Variants in MSI2 observed in about 807,000 individuals in gnomAD.
MSI2 encodes the protein RNA-binding protein Musashi homolog 2.
Under a neutral mutation model 45.6 loss-of-function variants are expected in MSI2, and 17 were observed. That is an observed-to-expected ratio of 0.37 (90% confidence interval 0.26 to 0.56). The LOEUF (loss-of-function observed/expected upper bound fraction) is 0.56, where lower values mean the gene tolerates loss of function less well. Ranked by LOEUF, MSI2 falls within the 20% of genes least tolerant of loss-of-function variation. MSI2 has a pLI of 0.77. For missense variants in MSI2, 293 were observed against 444.2 expected (o/e 0.66, Z 3.06); for synonymous variants, 156 against 158.2 (o/e 0.99, Z 0.11).
chr17:57,508,506 T>A (rs758856562), intron 6 of MSI2, among the ~76,000 whole-genome samples: 2 of 152,188 alleles, frequency 1.3e-5, no homozygotes, highest in African/African-American at 2.4e-5. Flanking sequence ...TTTAGGGTGC[T>A]CCAAATAGCT....
intron 5 of MSI2, chr17:57,264,375 T>G (rs528721196): frequency 6.6e-6 from 1 of 152,162 alleles, no homozygotes; most frequent in East Asian, 1.9e-4. Context: ...CCTGCTATCT[T>G]ATTTATTTAT....
At chr17:57,294,366 C>T (rs546803421) in intron 5 of MSI2, among the ~76,000 whole-genome samples, 3 of 152,064 alleles carry the variant, frequency 2.0e-5, no homozygotes, top group Admixed American at 6.5e-5. Flanking sequence ...CTCAGGGGGC[C>T]GTGGCAGATG....
intron 7 of MSI2, among the ~76,000 whole-genome samples, chr17:57,542,775 A>G (rs1567889027): frequency 6.6e-6 from 1 of 152,196 alleles, no homozygotes; most frequent in Non-Finnish European, 1.5e-5. Flanking sequence ...GTGTCTGGGC[A>G]GTCTGGCACG....
chr17:57,476,672 C>G (rs983685569), intron 6 of MSI2, among the ~76,000 whole-genome samples: 6 of 152,180 alleles, frequency 3.9e-5, no homozygotes, highest in Admixed American at 3.3e-4. Context: ...CCCTTAGGAC[C>G]TCAGCGTGGC....
At chr17:57,653,493 G>A (rs755865770) in intron 11 of MSI2, among the ~76,000 whole-genome samples, 2 of 152,130 alleles carry the variant, frequency 1.3e-5, no homozygotes, top group African/African-American at 2.4e-5. Context: ...CCCCAGCCCC[G>A]GGCCCCGGGG....
chr17:57,436,721 A>T (rs1178899094), intron 6 of MSI2, among the ~76,000 whole-genome samples: 3 of 152,198 alleles, frequency 2.0e-5, no homozygotes, highest in Non-Finnish European at 2.9e-5. Flanking sequence ...CATTCCAATG[A>T]AACCACTCCC....
At position 57,627,599 on chromosome 17, in the gene MSI2, C is replaced by G. The variant is rs1054668005; in HGVS notation, c.727+296C>G. On this transcript the variant is annotated intron_variant, in intron 10 of 13. Transcript: ENST00000284073. The surrounding 1 kb of genome is among the most constrained non-coding windows in gnomAD (Gnocchi z 4.6). ...CACCTCCTTTTTCTGAAGCCTCTTC[C>G]GGGTTTTTTCTCACTGGGGACTGAA... The G allele has an allele frequency of 2.2e-6, 1 of 451,038 alleles. No individual in the cohort carries two copies. The highest frequency in any genetic ancestry group is 4.0e-6 in the Non-Finnish European group (1 of 251,390). 27.9% of individuals were successfully genotyped at this position (451,038 alleles called of 1,614,324 possible). A position where few individuals can be genotyped will look rare whatever the true frequency, so the allele number is the denominator to read the frequency against.
At chr17:57,496,763 G>A (rs1293773987) in intron 6 of MSI2, among the ~76,000 whole-genome samples, 1 of 152,266 alleles carries the variant, frequency 6.6e-6, no homozygotes, top group Non-Finnish European at 1.5e-5. Context: ...CACCTGAACA[G>A]GGCAGGGCAC....
intron 10 of MSI2, among the ~76,000 whole-genome samples, chr17:57,637,697 G>A (rs1567952701): frequency 6.6e-6 from 1 of 152,202 alleles, no homozygotes; most frequent in Non-Finnish European, 1.5e-5. Flanking sequence ...CTTCCTCACA[G>A]GTTGTTGAGA....
intron 8 of MSI2, among the ~76,000 whole-genome samples, chr17:57,610,706 A>G (rs1222436995): frequency 2.1e-5 from 2 of 93,330 alleles, no homozygotes; most frequent in African/African-American, 6.7e-5. Context: ...CACAGGGGCC[A>G]CACTCCCATC....
intron 5 of MSI2, among the ~76,000 whole-genome samples, chr17:57,385,206 C>T (rs937070035): frequency 2.0e-5 from 3 of 152,144 alleles, no homozygotes; most frequent in African/African-American, 7.2e-5. Flanking sequence ...CATGTTATTC[C>T]CCAGCTTAAA....
At chr17:57,470,246 C>T (rs2143679880) in intron 6 of MSI2, among the ~76,000 whole-genome samples, 1 of 152,004 alleles carries the variant, frequency 6.6e-6, no homozygotes, top group African/African-American at 2.4e-5. Flanking sequence ...CCTTGCACAG[C>T]TTTGACATAC....
intron 6 of MSI2, among the ~76,000 whole-genome samples, chr17:57,506,775 T>G (rs2086238378): frequency 6.6e-6 from 1 of 152,222 alleles, no homozygotes; most frequent in African/African-American, 2.4e-5. Context: ...AACCTTCCTG[T>G]GTCTTCCTCC....
At chr17:57,293,410 C>T (rs1567740002) in intron 5 of MSI2, among the ~76,000 whole-genome samples, 1 of 152,158 alleles carries the variant, frequency 6.6e-6, no homozygotes, top group Non-Finnish European at 1.5e-5. Context: ...CTGAGCACTG[C>T]GATCCTGATG....
chr17:57,679,133 T>TTTTG (rs530511797), intron 13 of MSI2, among the ~76,000 whole-genome samples: 1 of 152,236 alleles, frequency 6.6e-6, no homozygotes, highest in Non-Finnish European at 1.5e-5. Flanking sequence ...GTGGGGTTTT[T>TTTTG]TTTGTTTGTT....
At chr17:57,262,444 C>T (rs190626350) in intron 5 of MSI2, 10 of 415,178 alleles carry the variant, frequency 2.4e-5, no homozygotes, top group Admixed American at 1.7e-4. Context: ...GTGTTTCCAT[C>T]GACTGCAGTA....
At chr17:57,413,956 C>T (rs2084245187) in intron 6 of MSI2, among the ~76,000 whole-genome samples, 2 of 151,920 alleles carry the variant, frequency 1.3e-5, no homozygotes, top group Admixed American at 1.3e-4. Flanking sequence ...ACCTTGAATG[C>T]CAGGTACCGA....
chr17:57,572,744 A>G (rs1418603870), intron 7 of MSI2, among the ~76,000 whole-genome samples: 1 of 152,198 alleles, frequency 6.6e-6, no homozygotes. Flanking sequence ...CTCAGGGCAG[A>G]GAGCTGAGCT....
At chr17:57,485,002 T>A (rs558534922) in intron 6 of MSI2, among the ~76,000 whole-genome samples, 19 of 152,194 alleles carry the variant, frequency 1.2e-4, no homozygotes, top group Non-Finnish European at 2.5e-4. Context: ...GGAGGCTGAG[T>A]CTTTGTCTGA....
Sources: gnomAD v4.1 joint callset for allele counts (sites outside exome capture counted in the v4.1 genomes callset) on GRCh38, gnomAD v4.1.1 for gene constraint, Gnocchi (gnomAD v3.1) non-coding constraint, MANE v1.5 for transcripts, NCBI Gene and HGNC (gene_info 2026-07-23, HGNC 2026-07-21) for gene names.